Variants in HSP90AA1 observed in about 807,000 individuals in gnomAD.
The protein encoded by HSP90AA1 is heat shock protein HSP 90-alpha.
A neutral mutation model predicts 73.3 loss-of-function variants in HSP90AA1; 18 were observed. That is an observed-to-expected ratio of 0.25 (90% CI 0.17 to 0.36). The LOEUF (loss-of-function observed/expected upper bound fraction) is 0.36. Among genes scored for constraint, HSP90AA1 ranks in the 10% least tolerant of loss-of-function variants. HSP90AA1 has a pLI of 1.00. For synonymous variants in HSP90AA1, 477 were observed against 296.9 expected, an observed-to-expected ratio of 1.61 and a Z score of -6.24; for missense variants, 704 against 874.2, an observed-to-expected ratio of 0.81 and a Z score of 2.45.
At chr14:102,113,027 T>C (rs1408163386) in intron 1 of HSP90AA1, among the ~76,000 whole-genome samples, 1 of 152,148 alleles carries the variant, frequency 6.6e-6, no homozygotes, top group Non-Finnish European at 1.5e-5. Context: ...TTTGTATTTA[T>C]TTATTTATTT....
chr14:102,110,687 C>T (rs568418426), intron 1 of HSP90AA1, among the ~76,000 whole-genome samples: 1 of 151,968 alleles, frequency 6.6e-6, no homozygotes, highest in African/African-American at 2.4e-5. Context: ...TCACGCCATT[C>T]TCCTGCCTCA....
intron 1 of HSP90AA1, among the ~76,000 whole-genome samples, chr14:102,105,034 TA>T (rs35769966): frequency 0.071 from 6,964 of 97,494 alleles, 367 homozygotes; most frequent in African/African-American, 0.17. Flanking sequence ...TCATCTCTAC[TA>T]AAAAAAAAAA....
At chr14:102,084,141 C>T in intron 6 of HSP90AA1, 158 bp from the exon 7 acceptor site, 2 of 735,558 alleles carry the variant, frequency 2.7e-6, no homozygotes, top group Admixed American at 4.2e-5. Context: ...GCAATCTCCA[C>T]TCACTGCAAC....
intron 1 of HSP90AA1, among the ~76,000 whole-genome samples, chr14:102,117,077 C>G (rs954167961): frequency 6.6e-6 from 1 of 152,188 alleles, no homozygotes; most frequent in African/African-American, 2.4e-5. Context: ...CCGCTCAGTG[C>G]AGCACTAACA....
chr14:102,137,368 C>G (rs1183928807), intron 1 of HSP90AA1, among the ~76,000 whole-genome samples: 1 of 151,574 alleles, frequency 6.6e-6, no homozygotes, highest in Non-Finnish European at 1.5e-5. Context: ...CTCTGTTGCC[C>G]AGGCTGGAGT....
intron 2 of HSP90AA1, among the ~76,000 whole-genome samples, chr14:102,100,767 T>C (rs1398425418): frequency 2.6e-5 from 4 of 152,218 alleles, no homozygotes; most frequent in Non-Finnish European, 5.9e-5. Context: ...TCCTATATTT[T>C]CATTATTTAC....
chr14:102,082,564 C>T (rs1456989406), intron 9 of HSP90AA1, 120 bp from the exon 10 acceptor site: 1 of 760,830 alleles, frequency 1.3e-6, no homozygotes, highest in Non-Finnish European at 2.2e-6. Context: ...CTGTCAAATA[C>T]AACTTAAATG....
chr14:102,105,227 AAAC>A lies in HSP90AA1; in HGVS notation c.156-3145_156-3143del, dbSNP rs1397256887. On this transcript the variant is annotated intron_variant, in intron 1 of 11. Coordinates refer to the HSP90AA1 transcript ENST00000334701. ...GTCTCAAAAAAAAAAAACAAAAAAAAAACCAAACTTCATTCAACAAACACTGAT... is the reference window on the plus strand; with the variant it reads ...GTCTCAAAAAAAAAAAACAAAAAAAACAAACTTCATTCAACAAACACTGAT... Among the ~76,000 whole-genome samples, 43 of 135,822 alleles carry A rather than the reference AAAC, an allele frequency of 3.2e-4. 1 individual carries two copies. The highest frequency in any genetic ancestry group is 3.6e-3 in the Middle Eastern group (1 of 280). The allele number at this position is 135,822 out of a possible 152,430, so 89.1% of individuals were successfully genotyped here.
chr14:102,086,246 G>C lies in HSP90AA1; in HGVS notation c.133C>G (p.Leu45Val). 1 of 1,614,192 alleles carries C rather than the reference G, an allele frequency of 6.2e-7. No homozygotes were observed. Among genetic ancestry groups the C allele is most frequent in the Non-Finnish European group, 8.5e-7 (1 of 1,180,018 alleles). Residue 45 changes from leucine (L) to valine (V), a missense_variant, in exon 2 of 11, where the codon CTG becomes GTG. Transcript: ENST00000216281. ...NTFYSNKEIF[L>V]RELISNSSDA... is the part of the protein sequence containing the mutation. ...GATGAATTTGAAATGAGCTCTCTCA[G>C]AAAGATCTCTTTGTTCGAGTAGAAA...
intron 1 of HSP90AA1, among the ~76,000 whole-genome samples, chr14:102,124,719 C>T (rs1241640468): frequency 6.6e-6 from 1 of 152,026 alleles, no homozygotes; most frequent in African/African-American, 2.4e-5. Flanking sequence ...TTGTTTCTTA[C>T]AGTTCTTCAG....
At position 102,082,278 on chromosome 14, in the gene HSP90AA1, G is replaced by A. The variant is rs1343929860; in HGVS notation, c.1922C>T (p.Ser641Phe). Residue 641 changes from serine (S) to phenylalanine (F), a missense_variant, in exon 10 of 11, where the codon TCC becomes TTC. Physicochemically the swap from Ser to Phe is radical, Grantham distance 155 (BLOSUM62 -2). Coordinates refer to ENST00000216281, the MANE Select transcript of HSP90AA1 (RefSeq NM_005348.4). ...CTTTTGCCTTAAGGTCTCAATAATG[G>A]AATGGTCAGGGTTTATCTCCAGGTG... ...KKHLEINPDH[S>F]IIETLRQKAE... The A allele has an allele frequency of 6.2e-7, 1 of 1,613,804 alleles. No individual in the cohort carries two copies. Among genetic ancestry groups the A allele is most frequent in the Non-Finnish European group, 8.5e-7 (1 of 1,179,854 alleles).
chr14:102,131,995 G>C (rs368319662), intron 1 of HSP90AA1, among the ~76,000 whole-genome samples: 33 of 152,178 alleles, frequency 2.2e-4, no homozygotes, highest in Non-Finnish European at 4.4e-5. Flanking sequence ...ACAACACTTC[G>C]TGAGGCTAAG....
At chr14:102,084,638 T>C (rs1595657200) in intron 5 of HSP90AA1, 43 bp downstream of exon 5, 2 of 1,614,094 alleles carry the variant, frequency 1.2e-6, no homozygotes, top group Non-Finnish European at 1.7e-6. Flanking sequence ...TGGAGAAAGA[T>C]GATAATCTAA....
chr14:102,081,921 G>A (rs1312701906), intron 10 of HSP90AA1, 100 bp from the exon 11 acceptor site: 21 of 794,938 alleles, frequency 2.6e-5, no homozygotes, highest in African/African-American at 1.7e-5. Context: ...AGTATTACAG[G>A]ACATATGAGT....
chr14:102,083,737 A>G, intron 7 of HSP90AA1, 44 bp from the exon 8 acceptor site: 1 of 1,592,552 alleles, frequency 6.3e-7, no homozygotes, highest in Non-Finnish European at 8.6e-7. Flanking sequence ...TGAATTAAAA[A>G]AAAAAAAAAA....
intron 2 of HSP90AA1, among the ~76,000 whole-genome samples, chr14:102,092,801 A>C (rs896244410): frequency 3.8e-4 from 58 of 152,224 alleles, no homozygotes; most frequent in African/African-American, 1.3e-3. Flanking sequence ...CTCAGGCTGG[A>C]GTGCAGTGGC....
At chr14:102,116,781 G>A (rs2049712628) in intron 1 of HSP90AA1, among the ~76,000 whole-genome samples, 1 of 152,222 alleles carries the variant, frequency 6.6e-6, no homozygotes, top group African/African-American at 2.4e-5. Context: ...GCCACAATGG[G>A]GCTGGGCACA....
chr14:102,086,488 GT>G, intron 1 of HSP90AA1, 110 bp from the exon 2 acceptor site: 1 of 1,291,078 alleles, frequency 7.7e-7, no homozygotes, highest in Non-Finnish European at 1.1e-6. Context: ...GATTTGCGAA[GT>G]TTAAGTAAAC....
rs768471254 is a variant in HSP90AA1 at position 102,086,408 on chromosome 14, T to C, written c.1-30A>G. The C allele has an allele frequency of 1.8e-5, 29 of 1,613,746 alleles. No homozygotes were observed. Among genetic ancestry groups the C allele is most frequent in the Non-Finnish European group, 2.3e-5 (27 of 1,179,736 alleles). On this transcript the variant is annotated intron_variant, in intron 1 of 10. Transcript: ENST00000216281. ...AACGACACCGCGCCGGTTTAAAACCTTGCAGGACGTCTACAGAGGCAACAC... is the reference window on the plus strand; with the variant it reads ...AACGACACCGCGCCGGTTTAAAACCCTGCAGGACGTCTACAGAGGCAACAC...
Sources: gnomAD v4.1 joint callset for allele counts (sites outside exome capture counted in the v4.1 genomes callset) on GRCh38, gnomAD v4.1.1 for gene constraint, MANE v1.5 for transcripts, NCBI Gene and HGNC (gene_info 2026-07-23, HGNC 2026-07-21) for gene names.